Variants in ARHGAP35 observed in about 807,000 individuals in gnomAD.
ARHGAP35 encodes Rho GTPase activating protein 35.
Under a neutral mutation model 111.1 loss-of-function variants are expected in ARHGAP35, and 15 were observed. The ratio of observed to expected loss-of-function variants is 0.13; its 90% CI spans 0.09 to 0.21. The LOEUF (loss-of-function observed/expected upper bound fraction) is 0.21, where lower values mean the gene tolerates loss of function less well. Ranked by LOEUF, ARHGAP35 falls within the 10% of genes least tolerant of loss-of-function variation. ARHGAP35 has a pLI of 1.00. For missense variants in ARHGAP35, 1,262 were observed against 1,873.0 expected, an observed-to-expected ratio of 0.67 and a Z score of 6.02; for synonymous variants, 643 against 710.3, an observed-to-expected ratio of 0.91 and a Z score of 1.51.
chr19:46,958,308 C>A (rs2056453545), intron 3 of ARHGAP35, among the ~76,000 whole-genome samples: 1 of 150,980 alleles, frequency 6.6e-6, no homozygotes, highest in African/African-American at 2.4e-5. Context: ...GGCGTCAACC[C>A]AGGAGGCGGA....
In ARHGAP35 at chr19:46,945,406, CCT is replaced by C. The variant is rs1304417335; in HGVS notation, c.3826+8003_3826+8004del. ...AAGTAGAATTATTCAATTCAGTGTACCTCTCTGGAATGGGGCAAGAGGTTACT... is the reference window on the plus strand; with the variant it reads ...AAGTAGAATTATTCAATTCAGTGTACCTCTGGAATGGGGCAAGAGGTTACT... On this transcript the variant is annotated intron_variant, in intron 3 of 6. Transcript: ENST00000672722. The surrounding 1 kb of genome is among the most constrained non-coding windows in gnomAD (Gnocchi z 4.1). Among the ~76,000 whole-genome samples, 3 of 152,070 alleles carry C rather than the reference CCT, an allele frequency of 2.0e-5. No individual in the cohort carries two copies. Among genetic ancestry groups the C allele is most frequent in the Admixed American group, 6.6e-5 (1 of 15,262 alleles).
At chr19:46,939,257 G>T (rs1281562235) in intron 3 of ARHGAP35, among the ~76,000 whole-genome samples, 1 of 151,950 alleles carries the variant, frequency 6.6e-6, no homozygotes, top group Non-Finnish European at 1.5e-5. Flanking sequence ...TTACAGGCGT[G>T]AGCTACCATG....
chr19:46,912,777 A>G (rs915932534), intron 1 of ARHGAP35, among the ~76,000 whole-genome samples: 3 of 152,090 alleles, frequency 2.0e-5, no homozygotes, highest in Middle Eastern at 6.8e-3. Context: ...CTACATAGAT[A>G]TATTTCTTGT....
chr19:46,930,432 T>C (rs2056266222), intron 2 of ARHGAP35, among the ~76,000 whole-genome samples: 1 of 117,138 alleles, frequency 8.5e-6, no homozygotes. Context: ...TCCAGTTAAA[T>C]CAAAATCACT....
rs1200826961 is a variant in ARHGAP35, at chr19:46,861,040, G to A, written c.-358G>A. Among the ~76,000 whole-genome samples, 2 of 151,130 alleles carry A rather than the reference G, an allele frequency of 1.3e-5. No homozygotes were observed. The highest frequency in any genetic ancestry group is 1.3e-4 in the Admixed American group (2 of 15,242). ...GGCGCGGCGGCAGGAGGAGGTGGAG[G>A]AGGCGGAGGAGGGAACCCGCGAGGG... On this transcript the variant is annotated 5_prime_UTR_variant, in exon 1 of 7. Coordinates refer to ENST00000672722, the MANE Select transcript of ARHGAP35 (RefSeq NM_004491.5).
In ARHGAP35 at chr19:46,999,201, A is replaced by C; in HGVS notation, c.4037-103A>C. ...AAAGAGTGGGGTTAGTGTCATCCAA[A>C]AGCCCTGGGCTGTCCTCAGAGAAGG... On this transcript the variant is annotated intron_variant, in intron 5 of 6. Coordinates refer to ENST00000672722, the MANE Select transcript of ARHGAP35 (RefSeq NM_004491.5). The surrounding 1 kb of genome is among the most constrained non-coding windows in gnomAD (Gnocchi z 5.4). The C allele has an allele frequency of 1.3e-6, 1 of 744,682 alleles. No homozygotes were observed. Among genetic ancestry groups the C allele is most frequent in the South Asian group, 1.7e-5 (1 of 58,356 alleles). 46.1% of individuals were successfully genotyped at this position (744,682 alleles called of 1,614,324 possible).
chr19:46,876,131 T>A (rs1249572567), intron 1 of ARHGAP35, among the ~76,000 whole-genome samples: 3 of 152,126 alleles, frequency 2.0e-5, no homozygotes. Flanking sequence ...ATAGGGTAAC[T>A]GTGCTAGTTA....
At position 46,922,339 on chromosome 19, in the gene ARHGAP35, C is replaced by T. The variant is rs199604498; in HGVS notation, c.3664C>T (p.Leu1222=). The T allele has an allele frequency of 1.0e-4, 166 of 1,601,648 alleles. No individual in the cohort carries two copies. Among genetic ancestry groups the T allele is most frequent in the Non-Finnish European group, 3.2e-5 (37 of 1,173,920 alleles). The change falls in exon 2 of 7, where the codon CTA becomes TTA. Residue 1222 remains leucine, a synonymous_variant. Coordinates refer to ENST00000672722, the MANE Select transcript of ARHGAP35 (RefSeq NM_004491.5). This position sits in a 1 kb window ranked among gnomAD's most constrained non-coding sequence, Gnocchi z 4.0. ...DPRRRNILRS[L]RRNTKKPKPK... ...GCGGAGGAGGAATATTCTTCGCAGC[C>T]TAAGGAGGAACACTAAGGTAAGACA... is the stretch of plus-strand genomic sequence containing the variant.
chr19:46,882,835 C>T (rs569232606), intron 1 of ARHGAP35, among the ~76,000 whole-genome samples: 5 of 152,160 alleles, frequency 3.3e-5, no homozygotes, highest in African/African-American at 1.2e-4. Context: ...CATGAACTCA[C>T]TCTTTTTTAT....
chr19:46,987,849 A>T lies in ARHGAP35; in HGVS notation c.3827-140A>T, dbSNP rs551840484. The T allele has an allele frequency of 5.9e-6, 4 of 674,546 alleles. No individual in the cohort carries two copies. In the South Asian group the frequency reaches 7.7e-5, roughly 13 times the overall value. The allele number at this position is 674,546 out of a possible 1,614,324, so 41.8% of individuals were successfully genotyped here. ...TTGAAGCATCTAGAAAAATCAAACG[A>T]GAGTGTGCTGAGGCCTGCTCCTCTC... On this transcript the variant is annotated intron_variant, in intron 3 of 6. Transcript: ENST00000672722.
chr19:46,888,837 C>CAAAAA (rs769595005), intron 1 of ARHGAP35, among the ~76,000 whole-genome samples: 5 of 57,364 alleles, frequency 8.7e-5, no homozygotes, highest in African/African-American at 1.5e-4. Context: ...ACTAAAAATA[C>CAAAAA]AAAAAAAAAA....
Position 46,882,077 on chromosome 19 carries a change from T to G in ARHGAP35, c.-189+20868T>G, listed in dbSNP as rs531733252. ...GTCTTGCTCTGGATTAGGTTTTGGT[T>G]TAAGGGAATATTGTGGCTGGTTTGA... On this transcript the variant is annotated intron_variant, in intron 1 of 6. Transcript: ENST00000672722. Among the ~76,000 whole-genome samples the G allele has an allele frequency of 2.6e-5, 4 of 152,304 alleles. No individual in the cohort carries two copies. In the East Asian group the frequency reaches 7.7e-4, roughly 29 times the overall value.
rs2122178435 is a variant in ARHGAP35 at position 46,908,773 on chromosome 19, T to C, written c.-188-9715T>C. 6.6e-6 allele frequency among the ~76,000 whole-genome samples: 1 copy of C among 152,254 alleles called. No homozygotes were observed. The highest frequency in any genetic ancestry group is 2.1e-4 in the South Asian group (1 of 4,824). On this transcript the variant is annotated intron_variant, in intron 1 of 6. Transcript: ENST00000672722. The surrounding 1 kb of genome is among the most constrained non-coding windows in gnomAD (Gnocchi z 4.2). ...ACCAGCCTGTAGAGTTCTGCAAGCC[T>C]GGAAGCATGAGAACTGTGGCGGGGG... is the stretch of plus-strand genomic sequence containing the variant.
intron 3 of ARHGAP35, among the ~76,000 whole-genome samples, chr19:46,958,092 C>G (rs2056451463): frequency 6.6e-6 from 1 of 151,098 alleles, no homozygotes. Flanking sequence ...TTTTTAAGTG[C>G]ATGGTTTAAG....
In ARHGAP35 at chr19:46,868,250, AGT is replaced by A. The variant is rs1476069465; in HGVS notation, c.-189+7045_-189+7046del. Among the ~76,000 whole-genome samples, 8 of 152,328 alleles carry A rather than the reference AGT, an allele frequency of 5.3e-5. No homozygotes were observed. In the South Asian group the frequency reaches 1.4e-3, roughly 28 times the overall value. ...TGACACAGTTAATAAGTAGTAAGTC[AGT>A]GTGAAGAATCCAGATCTGTCTGATT... On this transcript the variant is annotated intron_variant, in intron 1 of 6. Transcript: ENST00000672722.
chr19:46,937,871 A>G (rs370174298), intron 3 of ARHGAP35, among the ~76,000 whole-genome samples: 3 of 152,198 alleles, frequency 2.0e-5, no homozygotes, highest in South Asian at 2.1e-4. Flanking sequence ...AGACCCATGT[A>G]TTGATAGGAT....
rs1221473800 is a variant in ARHGAP35 at position 46,948,076 on chromosome 19, A to G, written c.3826+10668A>G. The stretch of plus-strand genomic sequence containing the variant: ...TTATGACATCAGCATTCCTTCCCCC[A>G]GGGTATAGGGTGGGACCCTCGCAGG... On this transcript the variant is annotated intron_variant, in intron 3 of 6. Coordinates refer to ENST00000672722, the MANE Select transcript of ARHGAP35 (RefSeq NM_004491.5). The G allele has an allele frequency of 3.9e-5, 6 of 152,156 alleles. No homozygotes were observed. In the East Asian group the frequency reaches 1.2e-3, roughly 29 times the overall value. 9.4% of individuals were successfully genotyped at this position (152,156 alleles called of 1,614,324 possible).
intron 1 of ARHGAP35, among the ~76,000 whole-genome samples, chr19:46,888,204 G>A (rs1294295479): frequency 2.2e-5 from 3 of 135,394 alleles, no homozygotes; most frequent in Non-Finnish European, 1.6e-5. Context: ...CGCCCACCTC[G>A]GCCTCCCAAA....
chr19:46,868,727 T>G (rs2055871250), intron 1 of ARHGAP35, among the ~76,000 whole-genome samples: 1 of 152,062 alleles, frequency 6.6e-6, no homozygotes, highest in South Asian at 2.1e-4. Context: ...GAAAAGTATT[T>G]GGGTAGCTAC....
Sources: allele counts gnomAD v4.1 joint callset (sites outside exome capture counted in the v4.1 genomes callset), GRCh38; gene constraint gnomAD v4.1.1; non-coding constraint Gnocchi (gnomAD v3.1); transcripts MANE v1.5; gene names NCBI Gene and HGNC (gene_info 2026-07-23, HGNC 2026-07-21).